BACH2: variants seen among roughly 807,000 people sequenced by gnomAD.
BACH2 encodes transcription regulator protein BACH2.
A neutral mutation model predicts 61.8 loss-of-function variants in BACH2; 5 were observed. The ratio of observed to expected loss-of-function variants is 0.08; its 90% CI spans 0.04 to 0.17. BACH2 has a LOEUF of 0.17. Ranked by LOEUF, BACH2 falls within the 10% of genes least tolerant of loss-of-function variation. The probability of loss-of-function intolerance (pLI) is 1.00; values close to 1 mark genes in which losing one functional copy is unlikely to be tolerated. For synonymous variants in BACH2, 446 were observed against 440.1 expected (o/e 1.01, Z -0.17); for missense variants, 824 against 1,091.1 (o/e 0.76, Z 3.45).
At chr6:89,959,032 C>A (rs1414123174) in intron 6 of BACH2, among the ~76,000 whole-genome samples, 2 of 151,018 alleles carry the variant, frequency 1.3e-5, no homozygotes, top group Non-Finnish European at 2.9e-5. Context: ...GGGCCCTGTG[C>A]AATTAGTTGC....
intron 6 of BACH2, among the ~76,000 whole-genome samples, chr6:89,958,039 T>C (rs958372302): frequency 2.6e-5 from 4 of 152,226 alleles, no homozygotes; most frequent in Admixed American, 2.6e-4. Context: ...CTGTGCAGGT[T>C]TGAACTTGGA....
chr6:89,981,671 C>T (rs1332754801), intron 6 of BACH2, among the ~76,000 whole-genome samples: 2 of 152,168 alleles, frequency 1.3e-5, no homozygotes, highest in East Asian at 3.9e-4. Flanking sequence ...GAATTATTAG[C>T]GAGAAAATAA....
At chr6:89,984,047 G>A (rs1776104421) in intron 6 of BACH2, among the ~76,000 whole-genome samples, 1 of 152,080 alleles carries the variant, frequency 6.6e-6, no homozygotes, top group Non-Finnish European at 1.5e-5. Context: ...GCTTCTTGCA[G>A]AATAAAACCT....
At chr6:90,130,729 G>A (rs1163788414) in intron 4 of BACH2, among the ~76,000 whole-genome samples, 1 of 152,228 alleles carries the variant, frequency 6.6e-6, no homozygotes, top group Non-Finnish European at 1.5e-5. Flanking sequence ...TACTAAGACA[G>A]CTAGAGGCCA....
intron 6 of BACH2, among the ~76,000 whole-genome samples, chr6:89,980,902 G>T (rs1775913935): frequency 1.4e-5 from 2 of 147,242 alleles, no homozygotes; most frequent in Admixed American, 1.3e-4. Context: ...TTAATTTTCA[G>T]TTTTTTTTTT....
intron 4 of BACH2, among the ~76,000 whole-genome samples, chr6:90,090,397 T>C (rs961586270): frequency 2.6e-5 from 4 of 152,180 alleles, no homozygotes; most frequent in Non-Finnish European, 5.9e-5. Flanking sequence ...TTTGAGAGTC[T>C]TGATTTTCTA....
At chr6:90,068,723 T>C (rs1364870782) in intron 5 of BACH2, among the ~76,000 whole-genome samples, 1 of 152,098 alleles carries the variant, frequency 6.6e-6, no homozygotes, top group Non-Finnish European at 1.5e-5. Flanking sequence ...AAAGTTATTC[T>C]GCTAAGTAAA....
intron 4 of BACH2, among the ~76,000 whole-genome samples, chr6:90,156,241 T>C (rs193138398): frequency 2.0e-5 from 3 of 152,350 alleles, no homozygotes; most frequent in Admixed American, 2.0e-4. Flanking sequence ...ACAATTTTAA[T>C]ACTTTTGTAT....
At chr6:90,030,986 C>A (rs1778946604) in intron 5 of BACH2, among the ~76,000 whole-genome samples, 1 of 120,986 alleles carries the variant, frequency 8.3e-6, no homozygotes, top group East Asian at 5.3e-4. Context: ...TCCAGCAGCA[C>A]ATCAAAAAGC....
rs117599126 is a variant in BACH2, at chr6:89,963,979, C to G, written c.244-12117G>C. On this transcript the variant is annotated intron_variant, in intron 6 of 8. Transcript: ENST00000257749. The stretch of plus-strand genomic sequence containing the variant: ...AAAAAGAAACTTCTGTGTGATTCCA[C>G]TTATATGAGGCATTGAAAAGTAGTC... Among the ~76,000 whole-genome samples the G allele has an allele frequency of 8.5e-4, 130 of 152,232 alleles. 2 individuals carry two copies. In the East Asian group the frequency reaches 0.023, roughly 27 times the overall value.
chr6:90,041,830 T>C (rs1393400465), intron 5 of BACH2, among the ~76,000 whole-genome samples: 1 of 152,238 alleles, frequency 6.6e-6, no homozygotes, highest in Non-Finnish European at 1.5e-5. Flanking sequence ...TTTGCATTTA[T>C]TAATTCTTCA....
In BACH2 at chr6:89,943,090, G is replaced by C. The variant is rs191557547; in HGVS notation, c.1837-4740C>G. 7.2e-5 allele frequency among the ~76,000 whole-genome samples: 11 copies of C among 152,260 alleles called. No homozygotes were observed. The East Asian group carries it at 2.1e-3, about 29-fold the overall frequency. ...GCCTCCCAAACTGTTGGGATTATAGGAGTGAGCCACCACGCCTGGCTAGGC... is the reference window on the plus strand; with the variant it reads ...GCCTCCCAAACTGTTGGGATTATAGCAGTGAGCCACCACGCCTGGCTAGGC... On this transcript the variant is annotated intron_variant, in intron 7 of 8. Transcript: ENST00000257749.
chr6:90,162,266 A>G (rs373896525), intron 4 of BACH2, among the ~76,000 whole-genome samples: 3 of 152,332 alleles, frequency 2.0e-5, no homozygotes, highest in East Asian at 1.9e-4. Flanking sequence ...GCTCTCATCT[A>G]TCAGAAAATT....
intron 8 of BACH2, 34 bp downstream of exon 8, chr6:89,938,110 C>T: frequency 1.3e-6 from 2 of 1,590,464 alleles, no homozygotes; most frequent in Non-Finnish European, 8.6e-7. Context: ...CTGGTCACTT[C>T]AGGTTGCTGA....
chr6:90,246,058 G>A (rs148590609), intron 3 of BACH2, among the ~76,000 whole-genome samples: 32 of 152,312 alleles, frequency 2.1e-4, no homozygotes, highest in Middle Eastern at 3.4e-3. Flanking sequence ...GGCAAGCTGG[G>A]TCTGAGTGAC....
At chr6:90,245,912 C>T (rs1770620582) in intron 3 of BACH2, among the ~76,000 whole-genome samples, 1 of 152,202 alleles carries the variant, frequency 6.6e-6, no homozygotes, top group African/African-American at 2.4e-5. Flanking sequence ...TCTCCTGGCC[C>T]AGACCCTCAT....
intron 3 of BACH2, among the ~76,000 whole-genome samples, chr6:90,216,099 T>C (rs1769526483): frequency 1.3e-5 from 2 of 152,340 alleles, no homozygotes; most frequent in African/African-American, 2.4e-5. Context: ...AGGGAGTCAC[T>C]GCGTTCTCCG....
At chr6:90,256,111 GA>G (rs1009155387) in intron 2 of BACH2, among the ~76,000 whole-genome samples, 23 of 149,966 alleles carry the variant, frequency 1.5e-4, no homozygotes, top group African/African-American at 4.2e-4. Context: ...AGCTCCTGGG[GA>G]AAAAAAAAAT....
chr6:90,164,332 C>G (rs981857359), intron 4 of BACH2, among the ~76,000 whole-genome samples: 2 of 152,108 alleles, frequency 1.3e-5, no homozygotes, highest in South Asian at 2.1e-4. Context: ...ATAAATTCCT[C>G]GACACAGACA....
Sources: gnomAD v4.1 joint callset for allele counts (sites outside exome capture counted in the v4.1 genomes callset) on GRCh38, gnomAD v4.1.1 for gene constraint, MANE v1.5 for transcripts, NCBI Gene and HGNC (gene_info 2026-07-23, HGNC 2026-07-21) for gene names.